CELF1: variants seen among roughly 807,000 people sequenced by gnomAD.
CELF1 encodes 50 kDa nuclear polyadenylated RNA-binding protein.
CELF1 carries 10 observed loss-of-function variants against 61.8 expected under a neutral mutation model. The ratio of observed to expected loss-of-function variants is 0.16; its 90% CI spans 0.10 to 0.27. The LOEUF is 0.27. Ranked by LOEUF, CELF1 falls within the 10% of genes least tolerant of loss-of-function variation. CELF1 has a pLI of 1.00. For synonymous variants in CELF1, 236 were observed against 225.1 expected (o/e 1.05, Z -0.43); for missense variants, 380 against 639.1 (o/e 0.59, Z 4.37).
chr11:47,484,349 CA>C (rs1179672747), intron 7 of CELF1, 39 bp downstream of exon 7: 1 of 1,572,590 alleles, frequency 6.4e-7, no homozygotes, highest in Non-Finnish European at 8.6e-7. Context: ...CAAACCAAAA[CA>C]AAAAACCAAA....
At chr11:47,547,243 T>C (rs1447020795) in intron 1 of CELF1, among the ~76,000 whole-genome samples, 1 of 152,140 alleles carries the variant, frequency 6.6e-6, no homozygotes, top group Non-Finnish European at 1.5e-5. Context: ...AATATGTCAG[T>C]GGACGTCTCT....
At chr11:47,543,675 G>A (rs1391783408) in intron 1 of CELF1, among the ~76,000 whole-genome samples, 1 of 152,164 alleles carries the variant, frequency 6.6e-6, no homozygotes, top group Non-Finnish European at 1.5e-5. Context: ...TCAGGAGGCT[G>A]AGACAGGAGG....
chr11:47,550,894 A>G (rs2097122259), intron 1 of CELF1, among the ~76,000 whole-genome samples: 1 of 152,178 alleles, frequency 6.6e-6, no homozygotes, highest in East Asian at 1.9e-4. Context: ...GGAGCAGAAC[A>G]GTTGAGTGAC....
chr11:47,518,311 A>T (rs994804013), intron 1 of CELF1, among the ~76,000 whole-genome samples: 2 of 152,236 alleles, frequency 1.3e-5, no homozygotes, highest in African/African-American at 4.8e-5. Flanking sequence ...CAAAGTCTGA[A>T]GCTATTTCAA....
intron 3 of CELF1, chr11:47,494,544 C>G (rs1222338486): frequency 1.1e-6 from 1 of 927,912 alleles, no homozygotes; most frequent in African/African-American, 1.8e-5. Context: ...AATTCTTGAA[C>G]ACTCTCTTCT....
intron 1 of CELF1, among the ~76,000 whole-genome samples, chr11:47,530,994 C>T (rs936606562): frequency 6.6e-6 from 1 of 152,114 alleles, no homozygotes; most frequent in African/African-American, 2.4e-5. Flanking sequence ...TGCCTGTAAT[C>T]CCAACACTTT....
At chr11:47,519,943 A>G (rs560034534) in intron 1 of CELF1, among the ~76,000 whole-genome samples, 1 of 151,882 alleles carries the variant, frequency 6.6e-6, no homozygotes, top group Non-Finnish European at 1.5e-5. Flanking sequence ...ACTCCTAAAA[A>G]AACTCAACTG....
chr11:47,502,503 T>C (rs2094027287), intron 1 of CELF1, among the ~76,000 whole-genome samples: 1 of 152,094 alleles, frequency 6.6e-6, no homozygotes, highest in African/African-American at 2.4e-5. Flanking sequence ...AAACTGCCCG[T>C]GTGTGCGTGT....
intron 4 of CELF1, among the ~76,000 whole-genome samples, chr11:47,487,624 T>C (rs1018360714): frequency 6.6e-6 from 1 of 152,230 alleles, no homozygotes; most frequent in African/African-American, 2.4e-5. Flanking sequence ...GCCTGTAGTC[T>C]ACCAGGAACT....
At chr11:47,505,656 A>C (rs2094429076) in intron 1 of CELF1, among the ~76,000 whole-genome samples, 1 of 149,524 alleles carries the variant, frequency 6.7e-6, no homozygotes, top group African/African-American at 2.4e-5. Flanking sequence ...AAAAAAAAAA[A>C]AATCAGTATG....
chr11:47,521,027 G>A (rs1024346741), intron 1 of CELF1, among the ~76,000 whole-genome samples: 2 of 152,158 alleles, frequency 1.3e-5, no homozygotes, highest in South Asian at 2.1e-4. Flanking sequence ...CAAGATGGGC[G>A]GATCACGAAG....
chr11:47,475,220 G>A (rs1000902260), intron 13 of CELF1, 116 bp downstream of exon 13: 3 of 919,606 alleles, frequency 3.3e-6, no homozygotes, highest in South Asian at 3.1e-5. Context: ...CACTGTCAAA[G>A]AAAAACAATG....
chr11:47,549,818 T>C (rs1267472419), intron 1 of CELF1, among the ~76,000 whole-genome samples: 1 of 135,012 alleles, frequency 7.4e-6, no homozygotes, highest in Non-Finnish European at 1.7e-5. Context: ...TGGGTTTTTT[T>C]TGTTTTTTTT....
At chr11:47,526,369 C>A (rs2096243727) in intron 1 of CELF1, among the ~76,000 whole-genome samples, 1 of 152,118 alleles carries the variant, frequency 6.6e-6, no homozygotes, top group African/African-American at 2.4e-5. Flanking sequence ...GTGAAGAATA[C>A]AGAATTTGAA....
chr11:47,488,568 A>G (rs554960941), intron 4 of CELF1, among the ~76,000 whole-genome samples: 1 of 152,302 alleles, frequency 6.6e-6, no homozygotes, highest in East Asian at 1.9e-4. Context: ...ACTGCCCAAG[A>G]CCCAATTTAC....
intron 1 of CELF1, among the ~76,000 whole-genome samples, chr11:47,514,507 C>T (rs1456026381): frequency 1.3e-5 from 2 of 151,814 alleles, no homozygotes; most frequent in Non-Finnish European, 2.9e-5. Flanking sequence ...TGAGAGACAC[C>T]CTATTTTAGA....
intron 1 of CELF1, among the ~76,000 whole-genome samples, chr11:47,517,840 G>C (rs961277526): frequency 3.3e-5 from 5 of 152,124 alleles, no homozygotes; most frequent in African/African-American, 1.2e-4. Flanking sequence ...TTTTAGTAGA[G>C]ATGGGGTTTC....
chr11:47,555,113 T>C (rs141585528), upstream of CELF1, among the ~76,000 whole-genome samples: 1 of 152,318 alleles, frequency 6.6e-6, no homozygotes, highest in East Asian at 1.9e-4. Flanking sequence ...TAATCCATAG[T>C]ACATGCTCAA....
chr11:47,533,806 C>CA (rs2096553468), intron 1 of CELF1, among the ~76,000 whole-genome samples: 3 of 39,748 alleles, frequency 7.5e-5, no homozygotes, highest in Non-Finnish European at 1.2e-4. Context: ...CGAGACTCTC[C>CA]CCCAAAAAAA....
Sources: gnomAD v4.1 joint callset for allele counts (sites outside exome capture counted in the v4.1 genomes callset) on GRCh38, gnomAD v4.1.1 for gene constraint, MANE v1.5 for transcripts, NCBI Gene and HGNC (gene_info 2026-07-23, HGNC 2026-07-21) for gene names.